The following PTPRD variants were observed in gnomAD, a reference collection of about 807,000 sequenced individuals.
PTPRD encodes the protein protein tyrosine phosphatase receptor type D.
In PTPRD, 34 loss-of-function variants were observed where a neutral mutation model predicts 214.5. The observed-to-expected ratio is 0.16, with a 90% CI of 0.12 to 0.21. The LOEUF is 0.21. PTPRD is among the 10% of genes least tolerant of loss of function. The pLI, the probability that PTPRD is intolerant of heterozygous loss-of-function variation, is 1.00. For missense variants in PTPRD, 2,545 were observed against 2,398.7 expected, an observed-to-expected ratio of 1.06 and a Z score of -1.27; for synonymous variants, 1,128 against 845.7, an observed-to-expected ratio of 1.33 and a Z score of -5.79.
intron 9 of PTPRD, among the ~76,000 whole-genome samples, chr9:9,202,567 C>G (rs901637601): frequency 2.0e-5 from 3 of 152,138 alleles, no homozygotes; most frequent in Non-Finnish European, 2.9e-5. Flanking sequence ...GTCTCCTAAC[C>G]CTTTTATCAG....
At position 9,879,910 on chromosome 9, in the gene PTPRD, T is replaced by C. The variant is rs147859701; in HGVS notation, c.-368+58597A>G. Among the ~76,000 whole-genome samples, 207 of 152,288 alleles carry C rather than the reference T, an allele frequency of 1.4e-3. 1 individual carries two copies. The highest frequency in any genetic ancestry group is 4.5e-3 in the African/African-American group (188 of 41,554). Reference sequence around the variant, plus strand: ...GGTCAGTATTGCCAAGAAAATTATATTGGAAGTTTGAAGCTGTCTATAAAC... The same window carrying C: ...GGTCAGTATTGCCAAGAAAATTATACTGGAAGTTTGAAGCTGTCTATAAAC... On this transcript the variant is annotated intron_variant, in intron 5 of 45. Coordinates refer to ENST00000381196, the MANE Select transcript of PTPRD (RefSeq NM_002839.4).
intron 2 of PTPRD, among the ~76,000 whole-genome samples, chr9:10,341,903 A>G (rs151204525): frequency 1.6e-3 from 240 of 151,842 alleles, no homozygotes; most frequent in Admixed American, 4.1e-3. Flanking sequence ...AGTGTTAAGC[A>G]ATCTTAGCAA....
intron 14 of PTPRD, among the ~76,000 whole-genome samples, chr9:8,605,383 G>A (rs578180147): frequency 9.9e-5 from 15 of 151,988 alleles, no homozygotes; most frequent in Non-Finnish European, 1.9e-4. Flanking sequence ...AACCGAACTA[G>A]AGAAAAAAAA....
At chr9:9,883,554 T>C (rs1409326298) in intron 5 of PTPRD, among the ~76,000 whole-genome samples, 1 of 152,136 alleles carries the variant, frequency 6.6e-6, no homozygotes, top group African/African-American at 2.4e-5. Flanking sequence ...GGTCTCTTAA[T>C]CAATTATGAA....
At chr9:9,877,295 A>G (rs980618511) in intron 5 of PTPRD, among the ~76,000 whole-genome samples, 1 of 152,178 alleles carries the variant, frequency 6.6e-6, no homozygotes, top group African/African-American at 2.4e-5. Context: ...AAATAAATAA[A>G]TATTAGCTTC....
intron 3 of PTPRD, among the ~76,000 whole-genome samples, chr9:10,253,086 T>C (rs1476909364): frequency 6.6e-6 from 1 of 152,114 alleles, no homozygotes; most frequent in African/African-American, 2.4e-5. Context: ...CCTGGCCACG[T>C]ATTTTATTTT....
rs551688829 is a variant in PTPRD at position 10,020,365 on chromosome 9, G to A, written c.-472+13353C>T. Among the ~76,000 whole-genome samples, 44 of 149,358 alleles carry A rather than the reference G, an allele frequency of 2.9e-4. 1 individual carries two copies. The highest frequency in any genetic ancestry group is 6.2e-4 in the Non-Finnish European group (42 of 67,404). On this transcript the variant is annotated intron_variant, in intron 4 of 45. Transcript: ENST00000381196. ...TCACCAGGCTGGAGTGCAGTGGCAT[G>A]ATCTCGGCTCACTGCGACCTCCACT... is the stretch of plus-strand genomic sequence containing the variant.
At chr9:9,085,941 C>T (rs10977476) in intron 10 of PTPRD, among the ~76,000 whole-genome samples, 14,438 of 152,100 alleles carry the variant, frequency 0.095, 827 homozygotes, top group East Asian at 0.16. Context: ...TTAGCAGATG[C>T]TTGTGGTTTT....
intron 4 of PTPRD, among the ~76,000 whole-genome samples, chr9:9,948,544 T>G (rs1353638488): frequency 1.3e-5 from 2 of 152,064 alleles, no homozygotes; most frequent in Non-Finnish European, 2.9e-5. Context: ...AAAAGTCCAA[T>G]AGCTGCACTT....
intron 11 of PTPRD, among the ~76,000 whole-genome samples, chr9:8,788,857 G>A (rs1284049833): frequency 6.6e-6 from 1 of 152,124 alleles, no homozygotes; most frequent in Non-Finnish European, 1.5e-5. Context: ...GAAGTTCATG[G>A]AAATTTAATC....
intron 2 of PTPRD, among the ~76,000 whole-genome samples, chr9:10,475,751 C>T (rs1477981029): frequency 6.6e-6 from 1 of 152,098 alleles, no homozygotes; most frequent in African/African-American, 2.4e-5. Context: ...CAAATCAAAT[C>T]CAGCAGCAAA....
intron 4 of PTPRD, among the ~76,000 whole-genome samples, chr9:9,981,318 T>C (rs1427610743): frequency 6.6e-6 from 1 of 151,420 alleles, no homozygotes; most frequent in Non-Finnish European, 1.5e-5. Context: ...GCCAATAACA[T>C]GTAGGTAAAT....
intron 7 of PTPRD, among the ~76,000 whole-genome samples, chr9:9,694,430 G>A (rs911053840): frequency 6.6e-6 from 1 of 151,980 alleles, no homozygotes; most frequent in African/African-American, 2.4e-5. Context: ...TCTCTGTAGT[G>A]AGCCACCTGG....
intron 2 of PTPRD, among the ~76,000 whole-genome samples, chr9:10,549,904 TC>T (rs1189299183): frequency 1.3e-5 from 2 of 152,148 alleles, no homozygotes; most frequent in African/African-American, 4.8e-5. Context: ...CTTCTATCAT[TC>T]CTCAAAATTG....
chr9:8,890,434 C>T (rs80233584), intron 11 of PTPRD, among the ~76,000 whole-genome samples: 5,708 of 152,286 alleles, frequency 0.037, 156 homozygotes, highest in Non-Finnish European at 0.056. Context: ...CTCATAAATT[C>T]ATAGTGCTTC....
At chr9:9,086,971 A>G (rs2154428141) in intron 10 of PTPRD, among the ~76,000 whole-genome samples, 1 of 152,312 alleles carries the variant, frequency 6.6e-6, no homozygotes, top group Middle Eastern at 3.4e-3. Context: ...ATAATGAAAA[A>G]CAGTCATCAT....
Position 8,633,448 on chromosome 9 carries a change from A to G in PTPRD, c.221T>C (p.Phe74Ser), listed in dbSNP as rs780525885. 2 of 1,612,080 alleles carry G rather than the reference A, an allele frequency of 1.2e-6. No individual in the cohort carries two copies. Among genetic ancestry groups the G allele is most frequent in the Non-Finnish European group, 1.7e-6 (2 of 1,178,850 alleles). ...VSNQRFEVIEFDDGSGSVLRI... is the reference protein window; with the variant it reads ...VSNQRFEVIESDDGSGSVLRI... ...GAGAACTGATCCAGACCCATCGTCA[A>G]ACTCTATTACCTATTAGAGGAAACA... The change falls in exon 14 of 46, where the codon TTT (phenylalanine) becomes TCT (serine). Residue 74 changes from phenylalanine to serine, a missense_variant. By Grantham distance (155) the Phe-to-Ser change is radical. Coordinates refer to ENST00000381196, the MANE Select transcript of PTPRD (RefSeq NM_002839.4).
rs1191664969 is a variant in PTPRD, at chr9:9,564,884, G to GTTTTTTTTTTT, written c.-237+9837_-237+9847dup. 6.1e-4 allele frequency among the ~76,000 whole-genome samples: 30 copies of GTTTTTTTTTTT among 48,856 alleles called. 7 individuals are homozygous for GTTTTTTTTTTT. Among genetic ancestry groups the GTTTTTTTTTTT allele is most frequent in the Non-Finnish European group, 7.9e-4 (21 of 26,462 alleles). The allele number at this position is 48,856 out of a possible 152,430, so 32.1% of individuals were successfully genotyped here. On this transcript the variant is annotated intron_variant, in intron 8 of 45. Coordinates refer to ENST00000381196, the MANE Select transcript of PTPRD (RefSeq NM_002839.4). Reference sequence around the variant, plus strand: ...AACAAAAGAGAGACTTGAATCTTCTGTTTTTTTTTTTTTTTTTTTTTTTTT... The same window carrying GTTTTTTTTTTT: ...AACAAAAGAGAGACTTGAATCTTCTGTTTTTTTTTTTTTTTTTTTTTTTTTTTTTTTTTTTT...
At chr9:9,680,159 C>T (rs1357334735) in intron 7 of PTPRD, among the ~76,000 whole-genome samples, 3 of 151,770 alleles carry the variant, frequency 2.0e-5, no homozygotes, top group African/African-American at 7.2e-5. Flanking sequence ...TACTTTATTT[C>T]CAGCAATCCT....
Sources: gnomAD v4.1 joint callset for allele counts (sites outside exome capture counted in the v4.1 genomes callset) on GRCh38, gnomAD v4.1.1 for gene constraint, MANE v1.5 for transcripts, NCBI Gene and HGNC (gene_info 2026-07-23, HGNC 2026-07-21) for gene names.